The following ZFHX3 variants were observed in gnomAD, a reference collection of about 807,000 sequenced individuals.
The protein encoded by ZFHX3 is zinc finger homeobox 3, also known as zinc finger homeobox protein 3.
Under a neutral mutation model 279.1 loss-of-function variants are expected in ZFHX3, and 42 were observed. That is an observed-to-expected ratio of 0.15 (90% CI 0.12 to 0.19). The LOEUF (loss-of-function observed/expected upper bound fraction) is 0.19. Among genes scored for constraint, ZFHX3 ranks in the 10% least tolerant of loss-of-function variants. The pLI is 1.00. For missense variants in ZFHX3, 4,981 were observed against 4,754.0 expected, an observed-to-expected ratio of 1.05 and a Z score of -1.40; for synonymous variants, 2,293 against 1,957.8, an observed-to-expected ratio of 1.17 and a Z score of -4.52.
At chr16:73,016,017 C>T (rs1044006617) in intron 1 of ZFHX3, 1 of 152,254 alleles carries the variant, frequency 6.6e-6, no homozygotes, top group African/African-American at 2.4e-5. Flanking sequence ...AGAAGGCATC[C>T]TGCCACAGAG....
intron 2 of ZFHX3, among the ~76,000 whole-genome samples, chr16:73,616,930 G>T (rs1017255809): frequency 6.6e-6 from 1 of 152,186 alleles, no homozygotes; most frequent in Non-Finnish European, 1.5e-5. Flanking sequence ...CAGAGAGAAA[G>T]GTCAAGTCTG....
At chr16:73,789,425 C>T (rs1959757910) in intron 1 of ZFHX3, among the ~76,000 whole-genome samples, 1 of 152,078 alleles carries the variant, frequency 6.6e-6, no homozygotes, top group Non-Finnish European at 1.5e-5. Context: ...CATGATCCGC[C>T]CACCTCAGCT....
intron 7 of ZFHX3, among the ~76,000 whole-genome samples, chr16:73,119,914 C>CA (rs1966476515): frequency 6.6e-6 from 1 of 151,994 alleles, no homozygotes; most frequent in African/African-American, 2.4e-5. Flanking sequence ...TTACAACAAA[C>CA]AAAAAAACCT....
At chr16:73,183,607 C>A (rs1453021703) in intron 5 of ZFHX3, among the ~76,000 whole-genome samples, 1 of 152,232 alleles carries the variant, frequency 6.6e-6, no homozygotes, top group Non-Finnish European at 1.5e-5. Flanking sequence ...GTTGGGGCTA[C>A]AGCCCAGACT....
At chr16:73,139,565 C>T (rs549971250) in intron 6 of ZFHX3, among the ~76,000 whole-genome samples, 9 of 152,318 alleles carry the variant, frequency 5.9e-5, no homozygotes, top group African/African-American at 2.2e-4. Flanking sequence ...GTATGTGAGT[C>T]ATTACGCTGT....
intron 3 of ZFHX3, among the ~76,000 whole-genome samples, chr16:72,894,026 G>A (rs2038834664): frequency 6.6e-6 from 1 of 151,910 alleles, no homozygotes; most frequent in Non-Finnish European, 1.5e-5. Context: ...GTGGGTGCCT[G>A]TAGTCCCAGC....
chr16:72,788,664 T>TTGC lies in ZFHX3; in HGVS notation c.9609_9611dup (p.Gln3204dup), dbSNP rs376311468. The TTGC allele has an allele frequency of 0.017, 27,283 of 1,611,710 alleles. 200 individuals are homozygous for TTGC. Among genetic ancestry groups the TTGC allele is most frequent in the African/African-American group, 0.024 (1,795 of 74,856 alleles). Reference sequence around the variant, plus strand: ...GCGGGGGAGGCTGCTGCACCTGTGGTTGCTGCTGCTGCTGCTGCTGCTGGG... The same window carrying TTGC: ...GCGGGGGAGGCTGCTGCACCTGTGGTTGCTGCTGCTGCTGCTGCTGCTGCTGGG... On this transcript the variant is annotated inframe_insertion, in exon 10 of 10. Transcript: ENST00000268489.
chr16:73,257,908 A>G (rs535851981), intron 4 of ZFHX3, among the ~76,000 whole-genome samples: 1 of 152,158 alleles, frequency 6.6e-6, no homozygotes, highest in Non-Finnish European at 1.5e-5. Flanking sequence ...TCAACAGTAG[A>G]TACTTGTGAC....
rs568045093 is a variant in ZFHX3 at position 73,502,654 on chromosome 16, G to A, written c.-1546-46396C>T. Among the ~76,000 whole-genome samples, 5 of 152,250 alleles carry A rather than the reference G, an allele frequency of 3.3e-5. No homozygotes were observed. The East Asian group carries it at 5.8e-4, about 18-fold the overall frequency. On this transcript the variant is annotated intron_variant, in intron 2 of 17. Transcript: ENST00000641206. ...AGAGAAAGAGATCAGTGGATCTCTCGGACACCCAGTCTTGGACTCAGTGGA... is the reference window on the plus strand; with the variant it reads ...AGAGAAAGAGATCAGTGGATCTCTCAGACACCCAGTCTTGGACTCAGTGGA...
chr16:73,689,810 G>GTTTTTTTTTTTT (rs1567552757), intron 1 of ZFHX3, among the ~76,000 whole-genome samples: 1 of 149,690 alleles, frequency 6.7e-6, no homozygotes. Context: ...ACAGTTTTTT[G>GTTTTTTTTTTTT]TTTTTTGTTT....
At chr16:73,199,788 G>A (rs117377894) in intron 5 of ZFHX3, among the ~76,000 whole-genome samples, 2,861 of 152,250 alleles carry the variant, frequency 0.019, 51 homozygotes, top group South Asian at 0.07. Flanking sequence ...ACAGTGAGAG[G>A]GTGAACGAGG....
At chr16:73,406,273 G>A (rs2017358809) in intron 3 of ZFHX3, among the ~76,000 whole-genome samples, 2 of 152,200 alleles carry the variant, frequency 1.3e-5, no homozygotes, top group Admixed American at 6.5e-5. Context: ...TTGACCATGT[G>A]GGTTTTCCTA....
intron 1 of ZFHX3, among the ~76,000 whole-genome samples, chr16:73,720,968 C>A (rs1440876873): frequency 6.6e-6 from 1 of 152,162 alleles, no homozygotes; most frequent in Non-Finnish European, 1.5e-5. Flanking sequence ...AAAGTGACAG[C>A]CTAGGGGCCA....
intron 1 of ZFHX3, among the ~76,000 whole-genome samples, chr16:73,736,722 C>T (rs1316761525): frequency 6.6e-6 from 1 of 152,190 alleles, no homozygotes; most frequent in Non-Finnish European, 1.5e-5. Context: ...CATTCATTCA[C>T]CCGATTTCAC....
rs761186383 is a variant in ZFHX3 at position 72,957,816 on chromosome 16, A to ACCG, written c.2327_2329dup (p.Ala776dup). 6 of 1,597,700 alleles carry ACCG rather than the reference A, an allele frequency of 3.8e-6. No homozygotes were observed. The highest frequency in any genetic ancestry group is 2.3e-5 in the East Asian group (1 of 44,410). On this transcript the variant is annotated inframe_insertion, in exon 2 of 10. Transcript: ENST00000268489. The stretch of plus-strand genomic sequence containing the variant: ...ATTGGCTGCCGCCGCCGCCGCAGCC[A>ACCG]CCGCCGCCGCCGCCGCCCCGGCAGT...
chr16:73,356,199 T>G (rs1447217866), intron 3 of ZFHX3, among the ~76,000 whole-genome samples: 1 of 152,204 alleles, frequency 6.6e-6, no homozygotes, highest in Non-Finnish European at 1.5e-5. Context: ...ACCCACTGGA[T>G]AAGCTACTTC....
chr16:73,627,262 G>A (rs2052425856), intron 2 of ZFHX3, among the ~76,000 whole-genome samples: 2 of 152,206 alleles, frequency 1.3e-5, no homozygotes, highest in African/African-American at 4.8e-5. Context: ...GGGACAGAGA[G>A]AGGCAGGAGG....
At chr16:72,824,691 G>T (rs1009026488) in intron 5 of ZFHX3, among the ~76,000 whole-genome samples, 1 of 152,118 alleles carries the variant, frequency 6.6e-6, no homozygotes, top group Non-Finnish European at 1.5e-5. Context: ...ATGATTCTTT[G>T]CCAAGAGTTC....
intron 6 of ZFHX3, among the ~76,000 whole-genome samples, chr16:73,140,118 T>C (rs1966843382): frequency 6.6e-6 from 1 of 151,972 alleles, no homozygotes; most frequent in South Asian, 2.1e-4. Flanking sequence ...AATTTGAAAA[T>C]TAGCTGGGCA....
Sources: gnomAD v4.1 joint callset for allele counts (sites outside exome capture counted in the v4.1 genomes callset) on GRCh38, gnomAD v4.1.1 for gene constraint, MANE v1.5 for transcripts, NCBI Gene and HGNC (gene_info 2026-07-23, HGNC 2026-07-21) for gene names.